Variants in VAV2 observed in about 807,000 individuals in gnomAD.
VAV2 encodes guanine nucleotide exchange factor VAV2.
Under a neutral mutation model 132.5 loss-of-function variants are expected in VAV2, and 67 were observed. The ratio of observed to expected loss-of-function variants is 0.51; its 90% CI spans 0.42 to 0.62. VAV2 has a LOEUF of 0.62. Ranked by LOEUF, VAV2 falls within the 20% of genes least tolerant of loss-of-function variation. VAV2 has a pLI of 0.00. For missense variants in VAV2, 938 were observed against 1,153.6 expected, an observed-to-expected ratio of 0.81 and a Z score of 2.71; for synonymous variants, 492 against 443.5, an observed-to-expected ratio of 1.11 and a Z score of -1.37.
chr9:133,800,333 T>C (rs903540437), intron 9 of VAV2, among the ~76,000 whole-genome samples: 28 of 152,166 alleles, frequency 1.8e-4, no homozygotes, highest in Non-Finnish European at 1.5e-5. Context: ...GGGCAGGTGG[T>C]GAACCTCAAG....
chr9:133,920,578 C>G (rs768951602), intron 2 of VAV2, among the ~76,000 whole-genome samples: 6 of 152,162 alleles, frequency 3.9e-5, no homozygotes, highest in Non-Finnish European at 5.9e-5. Context: ...CTGATACCAG[C>G]AGGGGAGGTG....
intron 1 of VAV2, among the ~76,000 whole-genome samples, chr9:133,955,470 C>A (rs1480813708): frequency 2.9e-5 from 3 of 104,010 alleles, no homozygotes; most frequent in Non-Finnish European, 4.0e-5. Context: ...CCCTGCCATG[C>A]TGCCCCAACT....
At chr9:133,774,744 G>C (rs1421045724) in intron 25 of VAV2, among the ~76,000 whole-genome samples, 191 bp downstream of exon 25, 2 of 152,172 alleles carry the variant, frequency 1.3e-5, no homozygotes, top group Non-Finnish European at 2.9e-5. Context: ...CAGGGGTTCA[G>C]GCCCTGCCCA....
intron 4 of VAV2, among the ~76,000 whole-genome samples, chr9:133,825,631 A>G (rs925901673): frequency 6.6e-6 from 1 of 152,050 alleles, no homozygotes; most frequent in Admixed American, 6.5e-5. Flanking sequence ...AGCTCAGGAG[A>G]TGGTATCTAA....
chr9:133,950,866 G>A (rs1256779314), intron 1 of VAV2, among the ~76,000 whole-genome samples: 1 of 152,054 alleles, frequency 6.6e-6, no homozygotes, highest in Non-Finnish European at 1.5e-5. Context: ...CAACATGAGG[G>A]CATTCGCACG....
In VAV2 at chr9:133,884,459, GA is replaced by G. The variant is rs575638602; in HGVS notation, c.322-23028del. The stretch of plus-strand genomic sequence containing the variant: ...CGCCACACTTTGTCAATTAATTAGG[GA>G]GGGGGGTGCCAGCCTGGGGGGCGTG... On this transcript the variant is annotated intron_variant, in intron 2 of 29. Coordinates refer to ENST00000371850, the MANE Select transcript of VAV2 (RefSeq NM_001134398.2). The surrounding 1 kb of genome is among the most constrained non-coding windows in gnomAD (Gnocchi z 5.3). Among the ~76,000 whole-genome samples the G allele has an allele frequency of 1.1e-3, 171 of 152,254 alleles. No individual in the cohort carries two copies. The highest frequency in any genetic ancestry group is 3.9e-3 in the African/African-American group (160 of 41,556).
intron 4 of VAV2, among the ~76,000 whole-genome samples, chr9:133,830,527 G>T (rs562248690): frequency 4.3e-4 from 66 of 152,342 alleles, no homozygotes; most frequent in African/African-American, 1.5e-3. Flanking sequence ...CTGCTGCCAT[G>T]TGAAGAAAAG....
chr9:133,867,276 G>A (rs1040055900), intron 2 of VAV2, among the ~76,000 whole-genome samples: 2 of 152,246 alleles, frequency 1.3e-5, no homozygotes, highest in Admixed American at 1.3e-4. Flanking sequence ...CCTCCAGGAA[G>A]CCCATCTCGC....
At chr9:133,960,997 G>A (rs1439858441) in intron 1 of VAV2, among the ~76,000 whole-genome samples, 3 of 152,236 alleles carry the variant, frequency 2.0e-5, no homozygotes, top group African/African-American at 7.2e-5. Context: ...GGTGACCACA[G>A]GTCTGCCGCC....
intron 3 of VAV2, among the ~76,000 whole-genome samples, chr9:133,842,118 C>G (rs1252240499): frequency 6.6e-6 from 1 of 152,206 alleles, no homozygotes; most frequent in East Asian, 1.9e-4. Flanking sequence ...GAAATCAGTG[C>G]TTGGCTCATC....
chr9:133,799,831 G>C (rs1389707185), intron 9 of VAV2, among the ~76,000 whole-genome samples: 1 of 152,172 alleles, frequency 6.6e-6, no homozygotes, highest in East Asian at 1.9e-4. Context: ...GGAGAGGAGA[G>C]AAGGAACAGA....
chr9:133,897,399 C>G (rs3780752), intron 2 of VAV2, among the ~76,000 whole-genome samples: 1 of 151,994 alleles, frequency 6.6e-6, no homozygotes, highest in Admixed American at 6.5e-5. Flanking sequence ...GCTCTGCCCC[C>G]CTGTAACCCA....
chr9:133,880,141 G>T (rs1464309869), intron 2 of VAV2, among the ~76,000 whole-genome samples: 1 of 149,864 alleles, frequency 6.7e-6, no homozygotes, highest in African/African-American at 2.4e-5. Flanking sequence ...TCTGCAGGAA[G>T]AGGGGCTAGG....
At chr9:133,878,138 C>T (rs890570805) in intron 2 of VAV2, among the ~76,000 whole-genome samples, 1 of 152,196 alleles carries the variant, frequency 6.6e-6, no homozygotes, top group Admixed American at 6.5e-5. Context: ...GGGCTGAGCT[C>T]AGCACTCTCC....
intron 2 of VAV2, chr9:133,927,662 T>A (rs535094819): frequency 6.6e-6 from 1 of 152,388 alleles, no homozygotes; most frequent in African/African-American, 2.4e-5. Context: ...GATCCTCCCC[T>A]CTGCGTTTAT....
chr9:133,839,322 T>C (rs928388748), intron 3 of VAV2, among the ~76,000 whole-genome samples: 6 of 151,526 alleles, frequency 4.0e-5, no homozygotes, highest in Admixed American at 1.3e-4. Flanking sequence ...AGTGGATGGA[T>C]GAACAAATGA....
chr9:133,924,431 C>G (rs1840401400), intron 2 of VAV2, among the ~76,000 whole-genome samples: 1 of 152,238 alleles, frequency 6.6e-6, no homozygotes, highest in East Asian at 1.9e-4. Flanking sequence ...AAGTGATCCA[C>G]TGGCCTCGGC....
chr9:133,936,431 C>A (rs112619871), intron 2 of VAV2, among the ~76,000 whole-genome samples: 2,236 of 152,086 alleles, frequency 0.015, 53 homozygotes, highest in African/African-American at 0.05. Context: ...TTATTAGAGA[C>A]AGGGTTTCAC....
chr9:133,841,761 T>C (rs1214293355), intron 3 of VAV2, among the ~76,000 whole-genome samples: 1 of 152,134 alleles, frequency 6.6e-6, no homozygotes, highest in Non-Finnish European at 1.5e-5. Context: ...TGAGCCTCAG[T>C]TTCCCCAACT....
Sources: gnomAD v4.1 joint callset for allele counts (sites outside exome capture counted in the v4.1 genomes callset) on GRCh38, gnomAD v4.1.1 for gene constraint, Gnocchi (gnomAD v3.1) non-coding constraint, MANE v1.5 for transcripts, NCBI Gene and HGNC (gene_info 2026-07-23, HGNC 2026-07-21) for gene names.